FMN1: variants seen among roughly 807,000 people sequenced by gnomAD.
FMN1 encodes the protein formin-1.
A neutral mutation model predicts 132.4 loss-of-function variants in FMN1; 110 were observed. The observed-to-expected ratio is 0.83, with a 90% confidence interval of 0.71 to 0.97. The LOEUF (loss-of-function observed/expected upper bound fraction) is 0.97, where lower values mean the gene tolerates loss of function less well. Ranked by LOEUF, FMN1 falls within the 50% of genes least tolerant of loss-of-function variation. FMN1 has a pLI of 0.00. For missense variants in FMN1, 1,792 were observed against 1,705.3 expected, an observed-to-expected ratio of 1.05 and a Z score of -0.90; for synonymous variants, 722 against 651.7, an observed-to-expected ratio of 1.11 and a Z score of -1.64.
chr15:32,995,190 T>C (rs2140879526), intron 7 of FMN1, among the ~76,000 whole-genome samples: 1 of 152,236 alleles, frequency 6.6e-6, no homozygotes, highest in Non-Finnish European at 1.5e-5. Context: ...ATATAGGTCA[T>C]GCCATATATT....
intron 16 of FMN1, among the ~76,000 whole-genome samples, chr15:32,887,861 A>T (rs1247285862): frequency 2.0e-5 from 3 of 152,204 alleles, no homozygotes; most frequent in Non-Finnish European, 2.9e-5. Context: ...ATATGAGACA[A>T]CAGTAAGCAT....
At chr15:32,924,526 G>A (rs962806348) in intron 10 of FMN1, among the ~76,000 whole-genome samples, 1 of 152,120 alleles carries the variant, frequency 6.6e-6, no homozygotes, top group Non-Finnish European at 1.5e-5. Flanking sequence ...AGGGCCGTGT[G>A]GTGTCAGATG....
intron 6 of FMN1, among the ~76,000 whole-genome samples, chr15:33,025,272 C>T (rs564622919): frequency 6.6e-6 from 1 of 151,900 alleles, no homozygotes; most frequent in South Asian, 2.1e-4. Flanking sequence ...ATGAAATATC[C>T]CTCTACCAGA....
At chr15:32,880,112 G>A (rs1190321886) in intron 16 of FMN1, among the ~76,000 whole-genome samples, 3 of 150,480 alleles carry the variant, frequency 2.0e-5, no homozygotes, top group Admixed American at 1.3e-4. Context: ...CTTCACTCCC[G>A]CCTCTTCACT....
chr15:32,900,196 T>A, intron 13 of FMN1, 71 bp from the exon 14 acceptor site: 4 of 1,537,982 alleles, frequency 2.6e-6, no homozygotes, highest in Admixed American at 1.7e-5. Flanking sequence ...GTAACAAATA[T>A]CGACTGTGTA....
chr15:32,917,916 A>C (rs1362013018), intron 10 of FMN1, among the ~76,000 whole-genome samples: 1 of 152,184 alleles, frequency 6.6e-6, no homozygotes, highest in Non-Finnish European at 1.5e-5. Context: ...ATGTTATGAA[A>C]ATTTCATTTA....
intron 19 of FMN1, among the ~76,000 whole-genome samples, chr15:32,796,915 C>T (rs992810149): frequency 5.3e-5 from 8 of 152,160 alleles, no homozygotes; most frequent in African/African-American, 1.9e-4. Flanking sequence ...GTGATCCATC[C>T]TCACAGAGCA....
At chr15:32,982,495 C>T (rs1429431174) in intron 7 of FMN1, among the ~76,000 whole-genome samples, 1 of 152,090 alleles carries the variant, frequency 6.6e-6, no homozygotes, top group Non-Finnish European at 1.5e-5. Flanking sequence ...TCAATAATAG[C>T]CTGTGATGGT....
intron 6 of FMN1, among the ~76,000 whole-genome samples, chr15:33,019,011 A>C (rs1031078121): frequency 6.6e-6 from 1 of 152,158 alleles, no homozygotes; most frequent in Non-Finnish European, 1.5e-5. Flanking sequence ...GAGTTAAAGA[A>C]CAAAGCTTCC....
rs149032006 is a variant in FMN1, at chr15:33,006,037, C to T, written c.2223+1977G>A. 1.4e-4 allele frequency among the ~76,000 whole-genome samples: 21 copies of T among 152,240 alleles called. No homozygotes were observed. In the East Asian group the frequency reaches 3.7e-3, roughly 27 times the overall value. On this transcript the variant is annotated intron_variant, in intron 7 of 20. Coordinates refer to ENST00000616417, the MANE Select transcript of FMN1 (RefSeq NM_001277313.2). ...TGAATTCATACACCATACTACTTAT[C>T]GAATAATTTTCTGCTACTTGCAATA...
chr15:32,901,787 AC>A (rs1156728041), intron 13 of FMN1, 123 bp downstream of exon 13: 1 of 681,518 alleles, frequency 1.5e-6, no homozygotes, highest in African/African-American at 1.8e-5. Context: ...CATCAAATTT[AC>A]ACTTAGAAAA....
At chr15:32,776,144 A>T (rs1185596473) in intron 20 of FMN1, among the ~76,000 whole-genome samples, 1 of 152,246 alleles carries the variant, frequency 6.6e-6, no homozygotes, top group Non-Finnish European at 1.5e-5. Flanking sequence ...CTAAGGTTTT[A>T]CAACTATTTA....
At chr15:33,036,066 T>C (rs1471228478) in intron 6 of FMN1, among the ~76,000 whole-genome samples, 1 of 152,226 alleles carries the variant, frequency 6.6e-6, no homozygotes, top group Non-Finnish European at 1.5e-5. Flanking sequence ...ACCTTGATCT[T>C]GAACTTCTCA....
intron 5 of FMN1, among the ~76,000 whole-genome samples, chr15:33,082,095 G>GTA (rs1328404064): frequency 1.4e-5 from 1 of 73,382 alleles, no homozygotes; most frequent in Non-Finnish European, 2.7e-5. Context: ...GGAAAACAAT[G>GTA]TGTGTGTGTG....
intron 16 of FMN1, among the ~76,000 whole-genome samples, chr15:32,860,017 GAGAC>G (rs1215798232): frequency 4.6e-5 from 7 of 151,740 alleles, no homozygotes; most frequent in East Asian, 1.9e-4. Flanking sequence ...GTGATAGAGT[GAGAC>G]AGACAGACAA....
intron 6 of FMN1, among the ~76,000 whole-genome samples, chr15:33,020,911 G>A (rs1276084940): frequency 6.6e-6 from 1 of 152,102 alleles, no homozygotes; most frequent in Non-Finnish European, 1.5e-5. Context: ...TGAACGACTG[G>A]AACTTTAACA....
rs1355217105 is a variant in FMN1 at position 33,053,845 on chromosome 15, GA to G, written c.2161+11111del. ...ACGTGAGGATGTGTTCGTTAACTCA[GA>G]AACTCTCCAGATGCTATGGTTTAGC... On this transcript the variant is annotated intron_variant, in intron 6 of 20. Coordinates refer to ENST00000616417, the MANE Select transcript of FMN1 (RefSeq NM_001277313.2). Among the ~76,000 whole-genome samples, 3 of 152,184 alleles carry G rather than the reference GA, an allele frequency of 2.0e-5. No individual in the cohort carries two copies. In the East Asian group the frequency reaches 5.8e-4, roughly 29 times the overall value.
intron 17 of FMN1, among the ~76,000 whole-genome samples, chr15:32,837,793 T>A (rs1036923803): frequency 7.2e-5 from 11 of 152,240 alleles, no homozygotes; most frequent in African/African-American, 2.7e-4. Flanking sequence ...AGATAACTTA[T>A]AAATGCTGAA....
chr15:33,065,129 C>A, intron 5 of FMN1, 55 bp from the exon 6 acceptor site: 2 of 1,212,488 alleles, frequency 1.6e-6, no homozygotes, highest in Non-Finnish European at 2.3e-6. Context: ...CGATTAATTC[C>A]TGAAAAATGA....
Sources: gnomAD v4.1 joint callset for allele counts (sites outside exome capture counted in the v4.1 genomes callset) on GRCh38, gnomAD v4.1.1 for gene constraint, MANE v1.5 for transcripts, NCBI Gene and HGNC (gene_info 2026-07-23, HGNC 2026-07-21) for gene names.